PARP15: variants seen among roughly 807,000 people sequenced by gnomAD.
PARP15 encodes protein mono-ADP-ribosyltransferase PARP15.
A neutral mutation model predicts 62.1 loss-of-function variants in PARP15; 50 were observed. That is an observed-to-expected ratio of 0.81 (90% CI 0.64 to 1.02). The LOEUF is 1.02. Among genes scored for constraint, PARP15 ranks in the 50% least tolerant of loss-of-function variants. PARP15 has a pLI of 0.00. For missense variants in PARP15, 820 were observed against 826.5 expected, an observed-to-expected ratio of 0.99 and a Z score of 0.10; for synonymous variants, 309 against 293.1, an observed-to-expected ratio of 1.05 and a Z score of -0.55.
intron 9 of PARP15, among the ~76,000 whole-genome samples, chr3:122,631,104 A>G (rs1278934151): frequency 2.6e-5 from 4 of 152,236 alleles, no homozygotes. Flanking sequence ...GGGGAAAGGA[A>G]GCAGCAGATC....
In PARP15 at chr3:122,636,776, T is replaced by C. The variant is rs968028814; in HGVS notation, c.*676T>C. ...CATTCTGCTAGGGTCTCTCTGAAGT[T>C]ACAGACAAGATGTCAGGGGATGTGG... On this transcript the variant is annotated 3_prime_UTR_variant, in exon 12 of 12. Coordinates refer to ENST00000464300, the MANE Select transcript of PARP15 (RefSeq NM_001113523.3). The C allele has an allele frequency of 6.6e-6, 1 of 152,284 alleles. No homozygotes were observed. The highest frequency in any genetic ancestry group is 1.5e-5 in the Non-Finnish European group (1 of 68,112). 9.4% of individuals were successfully genotyped at this position (152,284 alleles called of 1,614,324 possible).
intron 8 of PARP15, among the ~76,000 whole-genome samples, chr3:122,623,720 C>T (rs754433616): frequency 1.3e-5 from 2 of 152,162 alleles, no homozygotes; most frequent in South Asian, 2.1e-4. Flanking sequence ...TTCTCTGCCC[C>T]GTGTTGAGTG....
At position 122,617,144 on chromosome 3, in the gene PARP15, G is replaced by A; in HGVS notation, c.980G>A (p.Arg327Lys). The change falls in exon 6 of 12, where the codon AGG becomes AAG. Residue 327 changes from arginine to lysine, a missense_variant. Arg to Lys is a conservative substitution (Grantham distance 26). This residue lies in a region of PARP15 where 731 missense variants were observed against 727.7 expected (regional missense o/e 1.00). Coordinates refer to ENST00000464300, the MANE Select transcript of PARP15 (RefSeq NM_001113523.3). Reference protein sequence around the residue: ...QVDVIVNSTARTFNRKSGVSR... With the variant: ...QVDVIVNSTAKTFNRKSGVSR... ...GATGTTATTGTAAACTCAACAGCAAGGACATTTAATCGGAAATCAGGTACT... is the reference window on the plus strand; with the variant it reads ...GATGTTATTGTAAACTCAACAGCAAAGACATTTAATCGGAAATCAGGTACT... 1 of 1,612,808 alleles carries A rather than the reference G, an allele frequency of 6.2e-7. No homozygotes were observed. Among genetic ancestry groups the A allele is most frequent in the Non-Finnish European group, 8.5e-7 (1 of 1,179,272 alleles).
chr3:122,596,853 A>G (rs1159837935), intron 1 of PARP15, among the ~76,000 whole-genome samples: 9 of 152,194 alleles, frequency 5.9e-5, no homozygotes, highest in Non-Finnish European at 1.2e-4. Flanking sequence ...ACACTGGGGG[A>G]AAAGTCAGAG....
intron 2 of PARP15, among the ~76,000 whole-genome samples, chr3:122,608,708 TG>T (rs1379896221): frequency 4.6e-5 from 7 of 152,164 alleles, no homozygotes; most frequent in Non-Finnish European, 8.8e-5. Flanking sequence ...AACTAATATT[TG>T]TATATTTAAC....
chr3:122,610,480 C>G lies in PARP15; in HGVS notation c.307-14C>G, dbSNP rs993574851. 9 of 1,540,250 alleles carry G rather than the reference C, an allele frequency of 5.8e-6. No homozygotes were observed. Among genetic ancestry groups the G allele is most frequent in the Non-Finnish European group, 7.9e-6 (9 of 1,139,370 alleles). On this transcript the variant is annotated splice_polypyrimidine_tract_variant and intron_variant, in intron 2 of 11. Transcript: ENST00000464300. ...TTATTGATTCAATCTCTAACTGTTG[C>G]TATTTTCGTTAAGGCCGATGTCATT...
chr3:122,620,806 T>A (rs1208998690), intron 7 of PARP15, among the ~76,000 whole-genome samples: 1 of 144,036 alleles, frequency 6.9e-6, no homozygotes, highest in African/African-American at 2.9e-5. Flanking sequence ...CAGGATGGGA[T>A]GGGCAGGGAT....
chr3:122,577,851 A>G lies in PARP15; in HGVS notation c.184A>G (p.Met62Val). The G allele has an allele frequency of 1.3e-6, 2 of 1,546,898 alleles. No homozygotes were observed. The highest frequency in any genetic ancestry group is 1.2e-5 in the South Asian group (1 of 83,524). The change falls in exon 1 of 12, where the codon ATG (methionine) becomes GTG (valine). Residue 62 changes from methionine (M) to valine (V), a missense_variant and splice_region_variant. Physicochemically the swap from Met to Val is conservative, Grantham distance 21. Coordinates refer to ENST00000464300, the MANE Select transcript of PARP15 (RefSeq NM_001113523.3). ...KASRRSSSRS[M>V]SRDNKFSKKD... is the part of the protein sequence containing the mutation. Reference sequence around the variant, plus strand: ...CTCCCGGCGCTCTTCCTCCCGGAGTATGGTGAGGAGCGCGGGGGACGGGTG... The same window carrying G: ...CTCCCGGCGCTCTTCCTCCCGGAGTGTGGTGAGGAGCGCGGGGGACGGGTG...
intron 6 of PARP15, among the ~76,000 whole-genome samples, chr3:122,617,622 C>T (rs955527224): frequency 2.0e-5 from 3 of 152,182 alleles, no homozygotes; most frequent in African/African-American, 7.2e-5. Context: ...GAAACGCAAC[C>T]GTTTTTCTTT....
rs201400879 is a variant in PARP15 at position 122,621,600 on chromosome 3, C to A, written c.1220C>A (p.Ala407Asp). The change falls in exon 8 of 12, where the codon GCC becomes GAC. Residue 407 changes from alanine (A) to aspartate (D), a missense_variant. Around this residue, in one of 3 missense-constraint regions of PARP15, gnomAD observed 731 missense variants for 727.7 expected, o/e 1.00. Coordinates refer to ENST00000464300, the MANE Select transcript of PARP15 (RefSeq NM_001113523.3). Reference protein sequence around the residue: ...QRKYTSVSLPAIGTGNAGKNP... With the variant: ...QRKYTSVSLPDIGTGNAGKNP... ...AAGTACACATCGGTTTCCCTTCCAG[C>A]CATTGGAACAGGTTTGCAGCTTATC... 3 of 1,592,388 alleles carry A rather than the reference C, an allele frequency of 1.9e-6. No individual in the cohort carries two copies. The highest frequency in any genetic ancestry group is 1.8e-5 in the Admixed American group (1 of 54,178).
At chr3:122,598,088 TA>T (rs1934496622) in intron 1 of PARP15, among the ~76,000 whole-genome samples, 1 of 152,218 alleles carries the variant, frequency 6.6e-6, no homozygotes, top group African/African-American at 2.4e-5. Context: ...TTAAATTTCA[TA>T]TTGCTGGTAT....
In PARP15 at chr3:122,637,383, G is replaced by A. The variant is rs1937429860; in HGVS notation, c.*1283G>A. Reference sequence around the variant, plus strand: ...TTCAAAAGTTGAAATCAGTTCCTCTGTGTCTATTACCTGCTGATCACTGTC... The same window carrying A: ...TTCAAAAGTTGAAATCAGTTCCTCTATGTCTATTACCTGCTGATCACTGTC... On this transcript the variant is annotated 3_prime_UTR_variant, in exon 12 of 12. Coordinates refer to ENST00000464300, the MANE Select transcript of PARP15 (RefSeq NM_001113523.3). 6.6e-6 allele frequency: 1 copy of A among 152,160 alleles called. No individual in the cohort carries two copies. The highest frequency in any genetic ancestry group is 6.5e-5 in the Admixed American group (1 of 15,274). 9.4% of individuals were successfully genotyped at this position (152,160 alleles called of 1,614,324 possible). A position where few individuals can be genotyped will look rare whatever the true frequency, so the allele number is the denominator to read the frequency against.
At position 122,605,922 on chromosome 3, in the gene PARP15, T is replaced by G; in HGVS notation, c.187-14T>G. 1 of 1,550,404 alleles carries G rather than the reference T, an allele frequency of 6.4e-7. No individual in the cohort carries two copies. The highest frequency in any genetic ancestry group is 8.7e-7 in the Non-Finnish European group (1 of 1,146,238). On this transcript the variant is annotated splice_polypyrimidine_tract_variant and intron_variant, in intron 1 of 11. Coordinates refer to ENST00000464300, the MANE Select transcript of PARP15 (RefSeq NM_001113523.3). ...ATTGGCATTGCTGGTAATGCTTTACTGTTTTCTCCACAGTCCAGAGACAAC... is the reference window on the plus strand; with the variant it reads ...ATTGGCATTGCTGGTAATGCTTTACGGTTTTCTCCACAGTCCAGAGACAAC...
In PARP15 at chr3:122,617,067, C is replaced by A; in HGVS notation, c.903C>A (p.Ile301=). The A allele has an allele frequency of 1.2e-6, 2 of 1,614,064 alleles. No individual in the cohort carries two copies. The highest frequency in any genetic ancestry group is 1.7e-6 in the Non-Finnish European group (2 of 1,179,976). Residue 301 remains isoleucine, a synonymous_variant, in exon 6 of 12, where the codon ATC becomes ATA. Coordinates refer to ENST00000464300, the MANE Select transcript of PARP15 (RefSeq NM_001113523.3). ...GTTTCACAGCATATGAAATGAAAATCGGTGCAATTACTTTTCAGGTTGCTA... is the reference window on the plus strand; with the variant it reads ...GTTTCACAGCATATGAAATGAAAATAGGTGCAATTACTTTTCAGGTTGCTA... ...KPCFTAYEMK[I]GAITFQVATG...
intron 2 of PARP15, among the ~76,000 whole-genome samples, chr3:122,606,739 T>C (rs1373304886): frequency 6.6e-6 from 1 of 152,088 alleles, no homozygotes; most frequent in Non-Finnish European, 1.5e-5. Context: ...TAGGCGACAA[T>C]AGTTTTTGAA....
chr3:122,629,820 T>C (rs1936959300), intron 9 of PARP15, among the ~76,000 whole-genome samples: 1 of 152,150 alleles, frequency 6.6e-6, no homozygotes. Flanking sequence ...ACAACCTAGA[T>C]CCCTTGCATG....
At chr3:122,585,768 T>A (rs1248753447) in intron 1 of PARP15, among the ~76,000 whole-genome samples, 1 of 152,250 alleles carries the variant, frequency 6.6e-6, no homozygotes, top group Non-Finnish European at 1.5e-5. Context: ...ATGGACTCCA[T>A]AAACTGCCAT....
At chr3:122,615,252 G>A in intron 4 of PARP15, 1 of 1,285,812 alleles carries the variant, frequency 7.8e-7, no homozygotes, top group African/African-American at 1.5e-5. Context: ...AATGTCTGAG[G>A]TTTTCTAACG....
At chr3:122,634,956 A>C in intron 10 of PARP15, 64 bp from the exon 11 acceptor site, 2 of 1,477,100 alleles carry the variant, frequency 1.4e-6, no homozygotes. Flanking sequence ...TTAAATCCAC[A>C]ACAAGTACAA....
Sources: allele counts gnomAD v4.1 joint callset (sites outside exome capture counted in the v4.1 genomes callset), GRCh38; gene constraint gnomAD v4.1.1; regional missense constraint gnomAD v4.1.1; transcripts MANE v1.5; gene names NCBI Gene and HGNC (gene_info 2026-07-23, HGNC 2026-07-21).